The following API5 variants were observed in gnomAD, a reference collection of about 807,000 sequenced individuals.
API5 encodes FIF.
A neutral mutation model predicts 71.9 loss-of-function variants in API5; 6 were observed. That is an observed-to-expected ratio of 0.08 (90% CI 0.05 to 0.16). API5 has a LOEUF of 0.16. Ranked by LOEUF, API5 falls within the 10% of genes least tolerant of loss-of-function variation. The pLI is 1.00. For synonymous variants in API5, 189 were observed against 221.3 expected, an observed-to-expected ratio of 0.85 and a Z score of 1.30; for missense variants, 332 against 612.8, an observed-to-expected ratio of 0.54 and a Z score of 4.84.
At chr11:43,323,689 A>G (rs933255209) in intron 6 of API5, 53 bp downstream of exon 6, 2 of 1,533,980 alleles carry the variant, frequency 1.3e-6, no homozygotes, top group African/African-American at 2.7e-5. Flanking sequence ...TATTTCCATA[A>G]ATACTCACTT....
rs57460280 is a variant in API5, at chr11:43,338,634, G to A, written c.1492+2640G>A. On this transcript the variant is annotated intron_variant, in intron 13 of 13. Coordinates refer to ENST00000531273, the MANE Select transcript of API5 (RefSeq NM_001142930.2). Reference sequence around the variant, plus strand: ...GAATCTCTGTACTATAGAAATGGCTGTATCAATTGGAGGTAAAAAAAAAAA... The same window carrying A: ...GAATCTCTGTACTATAGAAATGGCTATATCAATTGGAGGTAAAAAAAAAAA... Among the ~76,000 whole-genome samples, 679 of 108,180 alleles carry A rather than the reference G, an allele frequency of 6.3e-3. 4 individuals carry two copies. The highest frequency in any genetic ancestry group is 0.021 in the African/African-American group (655 of 30,628). 71.0% of individuals were successfully genotyped at this position (108,180 alleles called of 152,430 possible). A position where few individuals can be genotyped will look rare whatever the true frequency, so the allele number is the denominator to read the frequency against.
At chr11:43,334,324 T>G (rs1354586961) in intron 11 of API5, among the ~76,000 whole-genome samples, 2 of 152,176 alleles carry the variant, frequency 1.3e-5, no homozygotes, top group Non-Finnish European at 2.9e-5. Context: ...ATGTTTATAA[T>G]TGAAGATTTG....
chr11:43,329,079 C>T (rs1266053472), intron 9 of API5, 186 bp downstream of exon 9: 3 of 604,946 alleles, frequency 5.0e-6, no homozygotes, highest in Non-Finnish European at 8.5e-6. Context: ...TGGTGGCTCA[C>T]GTCTGTAATC....
intron 11 of API5, among the ~76,000 whole-genome samples, chr11:43,334,522 G>C (rs1855366544): frequency 6.6e-6 from 1 of 152,014 alleles, no homozygotes; most frequent in African/African-American, 2.4e-5. Context: ...TTTTAACTGG[G>C]AGAAAAGTTT....
chr11:43,330,326 C>G (rs78511975), intron 10 of API5, 182 bp from the exon 11 acceptor site: 1 of 643,490 alleles, frequency 1.6e-6, no homozygotes, highest in South Asian at 1.9e-5. Flanking sequence ...TTTGCTACAT[C>G]TAGATTTGTT....
chr11:43,342,748 T>C lies in API5; in HGVS notation c.*238T>C, dbSNP rs950186443. 9.4e-6 allele frequency: 6 copies of C among 638,678 alleles called. No homozygotes were observed. The highest frequency in any genetic ancestry group is 7.3e-5 in the African/African-American group (4 of 55,170). The allele number at this position is 638,678 out of a possible 1,614,324, so 39.6% of individuals were successfully genotyped here. On this transcript the variant is annotated 3_prime_UTR_variant, in exon 14 of 14. Coordinates refer to ENST00000531273, the MANE Select transcript of API5 (RefSeq NM_001142930.2). Reference sequence around the variant, plus strand: ...GCAATCTTGACTTGTTTTTGCAGTATCATTATTCAGACTTCAAATTGTGAA... The same window carrying C: ...GCAATCTTGACTTGTTTTTGCAGTACCATTATTCAGACTTCAAATTGTGAA...
Position 43,321,420 on chromosome 11 carries a change from C to T in API5, c.335C>T (p.Ala112Val), listed in dbSNP as rs1161543377. Residue 112 changes from alanine to valine, a missense_variant, in exon 4 of 14, where the codon GCA becomes GTA. Around this residue, in one of 3 missense-constraint regions of API5, gnomAD observed 127 missense variants for 237.6 expected, o/e 0.53. Transcript: ENST00000531273. ...CTTTTTCTTTATCCAGATGACTCTG[C>T]AGAATTTAACCTAGTGAACAATGCC... ...LTQLLQTDDS[A>V]EFNLVNNALL... The T allele has an allele frequency of 1.2e-6, 2 of 1,610,062 alleles. No individual in the cohort carries two copies. The highest frequency in any genetic ancestry group is 8.5e-7 in the Non-Finnish European group (1 of 1,177,814).
chr11:43,320,042 CTTTTTTTTTT>C (rs368783012), intron 2 of API5, among the ~76,000 whole-genome samples: 1 of 120,148 alleles, frequency 8.3e-6, no homozygotes, highest in Non-Finnish European at 1.8e-5. Context: ...CAAATTCTCT[CTTTTTTTTTT>C]TTTTTTTTTT....
At chr11:43,337,990 C>A (rs1228035844) in intron 13 of API5, among the ~76,000 whole-genome samples, 2 of 152,160 alleles carry the variant, frequency 1.3e-5, no homozygotes, top group African/African-American at 2.4e-5. Context: ...AAACTGTCAA[C>A]ATGAGAAACA....
chr11:43,323,409 T>A (rs1474223552), intron 5 of API5, 21 bp from the exon 6 acceptor site: 2 of 1,587,522 alleles, frequency 1.3e-6, no homozygotes, highest in East Asian at 2.2e-5. Flanking sequence ...ATACTCTTAT[T>A]CTGAATTGTC....
At chr11:43,335,185 A>G in intron 11 of API5, 93 bp from the exon 12 acceptor site, 1 of 867,370 alleles carries the variant, frequency 1.2e-6, no homozygotes, top group South Asian at 1.4e-5. Flanking sequence ...CCTAAATTGA[A>G]TCTTTAAGAT....
chr11:43,329,541 T>C (rs1464849305), intron 9 of API5, among the ~76,000 whole-genome samples: 1 of 152,208 alleles, frequency 6.6e-6, no homozygotes, highest in Non-Finnish European at 1.5e-5. Context: ...TGTAAGAATT[T>C]AATAAGACAA....
At chr11:43,318,414 A>G in intron 1 of API5, 1 of 1,530,922 alleles carries the variant, frequency 6.5e-7, no homozygotes, top group Non-Finnish European at 8.7e-7. Flanking sequence ...TTTCCACTTA[A>G]AATTAGACTC....
chr11:43,330,379 C>A, intron 10 of API5, 129 bp from the exon 11 acceptor site: 1 of 765,536 alleles, frequency 1.3e-6, no homozygotes, highest in Non-Finnish European at 2.3e-6. Context: ...TAGATTTAAA[C>A]CAAGGAATTC....
chr11:43,331,479 G>C (rs996035514), intron 11 of API5: 1 of 209,680 alleles, frequency 4.8e-6, no homozygotes, highest in Non-Finnish European at 9.4e-6. Flanking sequence ...AAAGCTGCAG[G>C]AAAAAAATGT....
chr11:43,335,818 A>G, intron 12 of API5, 40 bp from the exon 13 acceptor site: 1 of 1,566,088 alleles, frequency 6.4e-7, no homozygotes, highest in Non-Finnish European at 8.6e-7. Flanking sequence ...TTTTGGCTTA[A>G]TAGAATGTTT....
intron 11 of API5, chr11:43,331,137 G>T (rs1855239151): frequency 6.6e-6 from 1 of 152,638 alleles, no homozygotes; most frequent in Non-Finnish European, 1.5e-5. Flanking sequence ...ACAAAAATTG[G>T]GACTAGTATG....
At chr11:43,312,932 C>A (rs11828267) in intron 1 of API5, among the ~76,000 whole-genome samples, 14,439 of 151,774 alleles carry the variant, frequency 0.095, 939 homozygotes, top group Admixed American at 0.23. Context: ...CATGGTGAAA[C>A]CCTGTCTCTA....
At chr11:43,325,463 T>C (rs1470985252) in intron 6 of API5, among the ~76,000 whole-genome samples, 14 of 152,212 alleles carry the variant, frequency 9.2e-5, no homozygotes, top group African/African-American at 1.9e-4. Context: ...AAATTTAATC[T>C]TGTTTATGCC....
Sources: allele counts gnomAD v4.1 joint callset (sites outside exome capture counted in the v4.1 genomes callset), GRCh38; gene constraint gnomAD v4.1.1; regional missense constraint gnomAD v4.1.1; transcripts MANE v1.5; gene names NCBI Gene and HGNC (gene_info 2026-07-23, HGNC 2026-07-21).